GALNT17: variants seen among roughly 807,000 people sequenced by gnomAD.
The protein encoded by GALNT17 is UDP-GalNAc:polypeptide N-acetylgalactosaminyltransferase-like 3.
A neutral mutation model predicts 63.7 loss-of-function variants in GALNT17; 29 were observed. That is an observed-to-expected ratio of 0.46 (90% CI 0.34 to 0.62). The LOEUF (loss-of-function observed/expected upper bound fraction) is 0.62, where lower values mean the gene tolerates loss of function less well. Among genes scored for constraint, GALNT17 ranks in the 20% least tolerant of loss-of-function variants. GALNT17 has a pLI of 0.01. For synonymous variants in GALNT17, 305 were observed against 318.3 expected, an observed-to-expected ratio of 0.96 and a Z score of 0.45; for missense variants, 603 against 799.6, an observed-to-expected ratio of 0.75 and a Z score of 2.97.
chr7:71,617,261 T>C (rs912076189), intron 6 of GALNT17, among the ~76,000 whole-genome samples: 28 of 147,944 alleles, frequency 1.9e-4, no homozygotes, highest in African/African-American at 6.9e-4. Flanking sequence ...ACCCAGGTAG[T>C]AAGCATAGTA....
intron 8 of GALNT17, among the ~76,000 whole-genome samples, chr7:71,673,145 G>A (rs1791096872): frequency 6.6e-6 from 1 of 152,130 alleles, no homozygotes; most frequent in African/African-American, 2.4e-5. Flanking sequence ...TGAGCCACAT[G>A]TATTAAAAAG....
At chr7:71,511,243 T>C (rs1788350325) in intron 5 of GALNT17, among the ~76,000 whole-genome samples, 1 of 151,790 alleles carries the variant, frequency 6.6e-6, no homozygotes, top group Non-Finnish European at 1.5e-5. Flanking sequence ...AAGCAGTGGG[T>C]TCGAATGCAC....
intron 9 of GALNT17, among the ~76,000 whole-genome samples, chr7:71,701,806 T>TATATATATACAC (rs1179069366): frequency 3.0e-5 from 1 of 33,268 alleles, no homozygotes; most frequent in African/African-American, 6.9e-5. Flanking sequence ...TGTGTGTGTA[T>TATATATATACAC]ATATATATAC....
intron 1 of GALNT17, among the ~76,000 whole-genome samples, chr7:71,297,420 T>C (rs1370877924): frequency 6.6e-6 from 1 of 152,218 alleles, no homozygotes; most frequent in Admixed American, 6.5e-5. Flanking sequence ...GGTGCCTGCC[T>C]GTAATCCCAG....
At position 71,483,746 on chromosome 7, in the gene GALNT17, G is replaced by C. The variant is rs148121063; in HGVS notation, c.962+62641G>C. On this transcript the variant is annotated intron_variant, in intron 5 of 10. Coordinates refer to ENST00000333538, the MANE Select transcript of GALNT17 (RefSeq NM_022479.3). The stretch of plus-strand genomic sequence containing the variant: ...ACTGTAACTTTGTAACTTTATAAAG[G>C]TTCTAATTTTTTGTAAATTTTTGGA... 3.6e-3 allele frequency among the ~76,000 whole-genome samples: 552 copies of C among 152,114 alleles called. 3 individuals carry two copies. Among genetic ancestry groups the C allele is most frequent in the African/African-American group, 0.012 (517 of 41,496 alleles).
intron 8 of GALNT17, among the ~76,000 whole-genome samples, chr7:71,671,258 A>G (rs1005517287): frequency 1.3e-5 from 2 of 152,154 alleles, no homozygotes; most frequent in African/African-American, 4.8e-5. Flanking sequence ...CAGTCAGGCC[A>G]AGGAGCAGAG....
chr7:71,387,341 G>C (rs1034335501), intron 2 of GALNT17, among the ~76,000 whole-genome samples: 1 of 151,444 alleles, frequency 6.6e-6, no homozygotes, highest in Non-Finnish European at 1.5e-5. Flanking sequence ...GGGGCGGGGA[G>C]GGGGAACAGG....
chr7:71,368,921 TGG>T (rs112526210), intron 2 of GALNT17, among the ~76,000 whole-genome samples: 2 of 119,916 alleles, frequency 1.7e-5, no homozygotes, highest in South Asian at 3.1e-4. Flanking sequence ...TCCTCGGGGG[TGG>T]GGGGGGGTGT....
intron 1 of GALNT17, among the ~76,000 whole-genome samples, chr7:71,175,161 T>C (rs1788614323): frequency 6.6e-6 from 1 of 152,046 alleles, no homozygotes; most frequent in Non-Finnish European, 1.5e-5. Flanking sequence ...TCTTTCTTTC[T>C]TCCTTTCTTC....
At chr7:71,375,550 C>T (rs1039190395) in intron 2 of GALNT17, among the ~76,000 whole-genome samples, 2 of 152,116 alleles carry the variant, frequency 1.3e-5, no homozygotes, top group Non-Finnish European at 2.9e-5. Flanking sequence ...AGGTGAGTAG[C>T]TAAGACTACA....
intron 1 of GALNT17, among the ~76,000 whole-genome samples, chr7:71,223,080 C>T (rs556149994): frequency 6.6e-6 from 1 of 152,098 alleles, no homozygotes; most frequent in East Asian, 1.9e-4. Context: ...GTCCCCCTAC[C>T]CCCAAAAAAG....
At chr7:71,658,419 T>C (rs1015069264) in intron 6 of GALNT17, among the ~76,000 whole-genome samples, 8 of 151,864 alleles carry the variant, frequency 5.3e-5, no homozygotes, top group African/African-American at 1.9e-4. Flanking sequence ...GACCCCAGAG[T>C]CTTGTGATGG....
intron 6 of GALNT17, among the ~76,000 whole-genome samples, chr7:71,656,176 TA>T (rs568805483): frequency 4.9e-4 from 75 of 152,258 alleles, no homozygotes; most frequent in Non-Finnish European, 7.3e-4. Context: ...CTCATTGAGG[TA>T]ACAGCCTAGT....
intron 6 of GALNT17, among the ~76,000 whole-genome samples, chr7:71,664,275 G>C (rs539411583): frequency 6.6e-6 from 1 of 152,240 alleles, no homozygotes; most frequent in South Asian, 2.1e-4. Context: ...CAGAAGGCTT[G>C]GCATCTGTAC....
chr7:71,257,533 AAGCTAT>A (rs1790310395), intron 1 of GALNT17, among the ~76,000 whole-genome samples: 1 of 152,202 alleles, frequency 6.6e-6, no homozygotes, highest in Non-Finnish European at 1.5e-5. Context: ...TACTGTATAA[AAGCTAT>A]AGGTTTGATA....
At chr7:71,323,419 T>C (rs1009229512) in intron 1 of GALNT17, among the ~76,000 whole-genome samples, 3 of 152,202 alleles carry the variant, frequency 2.0e-5, no homozygotes, top group African/African-American at 7.2e-5. Context: ...GCAGGTGTAC[T>C]AATTGTCCTA....
At chr7:71,200,529 C>T (rs1481399232) in intron 1 of GALNT17, among the ~76,000 whole-genome samples, 1 of 152,148 alleles carries the variant, frequency 6.6e-6, no homozygotes, top group Non-Finnish European at 1.5e-5. Context: ...GTCCCTTCAT[C>T]CTGCAAAAGT....
intron 1 of GALNT17, among the ~76,000 whole-genome samples, chr7:71,294,410 T>C (rs1450063450): frequency 4.3e-5 from 3 of 69,802 alleles, no homozygotes; most frequent in South Asian, 8.1e-4. Flanking sequence ...TCATAAGTCC[T>C]TTTTTTTTTT....
At chr7:71,144,525 A>G (rs1158135966) in intron 1 of GALNT17, among the ~76,000 whole-genome samples, 2 of 152,214 alleles carry the variant, frequency 1.3e-5, no homozygotes, top group Non-Finnish European at 2.9e-5. Context: ...TCTAATTGGA[A>G]GGATACATTT....
Sources: gnomAD v4.1 joint callset for allele counts (sites outside exome capture counted in the v4.1 genomes callset) on GRCh38, gnomAD v4.1.1 for gene constraint, MANE v1.5 for transcripts, NCBI Gene and HGNC (gene_info 2026-07-23, HGNC 2026-07-21) for gene names.